TAX1BP1: variants seen among roughly 807,000 people sequenced by gnomAD.
TAX1BP1 encodes tax1-binding protein 1.
A neutral mutation model predicts 97.7 loss-of-function variants in TAX1BP1; 62 were observed. The observed-to-expected ratio is 0.63, with a 90% CI of 0.52 to 0.78. TAX1BP1 has a LOEUF of 0.78. Among genes scored for constraint, TAX1BP1 ranks in the 30% least tolerant of loss-of-function variants. The probability of loss-of-function intolerance (pLI) is 0.00; values close to 1 mark genes in which losing one functional copy is unlikely to be tolerated. For missense variants in TAX1BP1, 867 were observed against 916.1 expected, an observed-to-expected ratio of 0.95 and a Z score of 0.69; for synonymous variants, 340 against 304.2, an observed-to-expected ratio of 1.12 and a Z score of -1.23.
At chr7:27,796,038 C>T (rs1789919831) in intron 11 of TAX1BP1, 78 bp from the exon 12 acceptor site, 2 of 1,081,918 alleles carry the variant, frequency 1.8e-6, no homozygotes, top group Non-Finnish European at 2.7e-6. Flanking sequence ...GTATACTGAC[C>T]TTTAAGTTAT....
chr7:27,766,420 A>C (rs1475012451), intron 4 of TAX1BP1, among the ~76,000 whole-genome samples: 5 of 3,936 alleles, frequency 1.3e-3, no homozygotes, highest in African/African-American at 2.9e-3. Flanking sequence ...ACTCCGTATC[A>C]AAAAAAAAAA....
At chr7:27,740,779 C>G (rs761705066) in intron 1 of TAX1BP1, among the ~76,000 whole-genome samples, 1 of 152,146 alleles carries the variant, frequency 6.6e-6, no homozygotes, top group Non-Finnish European at 1.5e-5. Flanking sequence ...TGGTTTGAGT[C>G]GCCGGTGGCG....
At chr7:27,757,462 G>T (rs1434367557) in intron 2 of TAX1BP1, among the ~76,000 whole-genome samples, 1 of 152,010 alleles carries the variant, frequency 6.6e-6, no homozygotes, top group Non-Finnish European at 1.5e-5. Context: ...TTAGGGGGAG[G>T]CAGATGTCTA....
At chr7:27,819,629 C>G (rs1021122828) in intron 15 of TAX1BP1, among the ~76,000 whole-genome samples, 8 of 152,088 alleles carry the variant, frequency 5.3e-5, no homozygotes, top group African/African-American at 1.9e-4. Flanking sequence ...CCTGATAAAC[C>G]CATCATAAGT....
chr7:27,763,063 G>A (rs1308474601), intron 3 of TAX1BP1, among the ~76,000 whole-genome samples: 1 of 152,150 alleles, frequency 6.6e-6, no homozygotes, highest in East Asian at 1.9e-4. Flanking sequence ...GCATCTCCGT[G>A]CCTAGAACTT....
chr7:27,806,394 T>A (rs1032814456), intron 13 of TAX1BP1, among the ~76,000 whole-genome samples: 4 of 151,804 alleles, frequency 2.6e-5, no homozygotes, highest in Non-Finnish European at 5.9e-5. Context: ...TTTTTTTTTT[T>A]AACATTAAAA....
At chr7:27,772,054 G>A (rs1253205941) in intron 5 of TAX1BP1, 4 of 151,836 alleles carry the variant, frequency 2.6e-5, no homozygotes, top group African/African-American at 2.4e-5. Context: ...AACCCTCTAA[G>A]TTATAAGACA....
rs373884797 is a variant in TAX1BP1, at chr7:27,772,088, C to T, written c.612+2254C>T. The T allele has an allele frequency of 5.9e-5, 9 of 151,542 alleles. No homozygotes were observed. In the East Asian group the frequency reaches 1.4e-3, roughly 23 times the overall value. 9.4% of individuals were successfully genotyped at this position (151,542 alleles called of 1,614,324 possible). A position where few individuals can be genotyped will look rare whatever the true frequency, so the allele number is the denominator to read the frequency against. The stretch of plus-strand genomic sequence containing the variant: ...CATATGTGGTGACAATTGTTTATTT[C>T]TGGGGATAAAACGTGTTGGCCAGGA... On this transcript the variant is annotated intron_variant, in intron 5 of 16. Transcript: ENST00000396319.
At chr7:27,764,234 C>T (rs561634986) in intron 3 of TAX1BP1, among the ~76,000 whole-genome samples, 96 of 152,260 alleles carry the variant, frequency 6.3e-4, no homozygotes, top group African/African-American at 2.2e-3. Context: ...GTTCTTAGAT[C>T]CAGTCTTTAA....
At chr7:27,755,403 T>A (rs1788177284) in intron 2 of TAX1BP1, among the ~76,000 whole-genome samples, 1 of 152,182 alleles carries the variant, frequency 6.6e-6, no homozygotes. Context: ...ATTTCTTTCT[T>A]TCTTTCCAAG....
intron 13 of TAX1BP1, among the ~76,000 whole-genome samples, chr7:27,807,969 T>C (rs1294291770): frequency 6.6e-6 from 1 of 152,202 alleles, no homozygotes; most frequent in African/African-American, 2.4e-5. Context: ...GCATACTAGC[T>C]CTTGTGGCTT....
At chr7:27,777,405 C>CCCTT (rs1434950750) in intron 5 of TAX1BP1, among the ~76,000 whole-genome samples, 2 of 152,108 alleles carry the variant, frequency 1.3e-5, no homozygotes, top group Non-Finnish European at 2.9e-5. Context: ...TGAGGAAAGA[C>CCCTT]CCTTCTTTCA....
chr7:27,757,054 C>A (rs1275972788), intron 2 of TAX1BP1, among the ~76,000 whole-genome samples: 1 of 152,122 alleles, frequency 6.6e-6, no homozygotes, highest in Non-Finnish European at 1.5e-5. Flanking sequence ...CCTGTAGTTT[C>A]AACCATTCCT....
intron 5 of TAX1BP1, among the ~76,000 whole-genome samples, chr7:27,775,452 A>T (rs1282543448): frequency 6.6e-6 from 1 of 152,188 alleles, no homozygotes; most frequent in Non-Finnish European, 1.5e-5. Flanking sequence ...CTTAAGTCAA[A>T]TGGAGTTCTT....
intron 10 of TAX1BP1, among the ~76,000 whole-genome samples, chr7:27,793,664 G>A (rs1354150362): frequency 6.6e-6 from 1 of 152,134 alleles, no homozygotes; most frequent in Non-Finnish European, 1.5e-5. Flanking sequence ...CAGTTAAAGA[G>A]TGTTAGCTAA....
chr7:27,794,530 G>C (rs1230318590), intron 11 of TAX1BP1, 84 bp downstream of exon 11: 15 of 1,373,006 alleles, frequency 1.1e-5, no homozygotes, highest in Non-Finnish European at 1.3e-5. Flanking sequence ...TAGAATTTCA[G>C]GATGTTCATA....
chr7:27,759,226 A>G (rs1266207805), intron 3 of TAX1BP1, among the ~76,000 whole-genome samples: 1 of 152,184 alleles, frequency 6.6e-6, no homozygotes, highest in Non-Finnish European at 1.5e-5. Flanking sequence ...AATAATTAAA[A>G]TATCACAGTA....
rs775754175 is a variant in TAX1BP1, at chr7:27,769,703, AAAG to A, written c.487_489del (p.Glu163del). 5.0e-6 allele frequency: 8 copies of A among 1,608,538 alleles called. No individual in the cohort carries two copies. The highest frequency in any genetic ancestry group is 2.7e-5 in the African/African-American group (2 of 74,532). The stretch of plus-strand genomic sequence containing the variant: ...GAAAATTGAGAAAACCATGAAAGAA[AAAG>A]AAGAACTGTTAAAGTTAATTGCCGT... On this transcript the variant is annotated inframe_deletion, in exon 5 of 17. Coordinates refer to ENST00000396319, the MANE Select transcript of TAX1BP1 (RefSeq NM_006024.7).
At chr7:27,788,496 A>G (rs1789577007) in intron 8 of TAX1BP1, among the ~76,000 whole-genome samples, 1 of 152,062 alleles carries the variant, frequency 6.6e-6, no homozygotes, top group African/African-American at 2.4e-5. Context: ...TGATAGAAAA[A>G]TGGTGATTTA....
Sources: gnomAD v4.1 joint callset for allele counts (sites outside exome capture counted in the v4.1 genomes callset) on GRCh38, gnomAD v4.1.1 for gene constraint, MANE v1.5 for transcripts, NCBI Gene and HGNC (gene_info 2026-07-23, HGNC 2026-07-21) for gene names.